The following SLC2A9 variants were observed in gnomAD, a reference collection of about 807,000 sequenced individuals.
SLC2A9 encodes solute carrier family 2 member 9.
A neutral mutation model predicts 50.6 loss-of-function variants in SLC2A9; 39 were observed. The observed-to-expected ratio is 0.77, with a 90% CI of 0.60 to 1.01. The LOEUF (loss-of-function observed/expected upper bound fraction) is 1.01. Ranked by LOEUF, SLC2A9 falls within the 50% of genes least tolerant of loss-of-function variation. SLC2A9 has a pLI of 0.00. For synonymous variants in SLC2A9, 324 were observed against 276.9 expected (o/e 1.17, Z -1.69); for missense variants, 686 against 677.6 (o/e 1.01, Z -0.14).
At chr4:10,024,753 G>A (rs1433938362), upstream of SLC2A9, among the ~76,000 whole-genome samples, 7 of 152,260 alleles carry the variant, frequency 4.6e-5, no homozygotes, top group African/African-American at 1.4e-4. Flanking sequence ...ACTGTCCTCC[G>A]GATGATTTCC....
At chr4:9,772,802 G>T (rs1411662814) in intron 1 of SLC2A9, among the ~76,000 whole-genome samples, 3 of 146,424 alleles carry the variant, frequency 2.0e-5, no homozygotes, top group Admixed American at 1.4e-4. Flanking sequence ...AAGCATTAGG[G>T]ATGCCATTTT....
intron 3 of SLC2A9, among the ~76,000 whole-genome samples, chr4:9,988,278 T>G (rs1757090070): frequency 6.6e-6 from 1 of 152,218 alleles, no homozygotes; most frequent in South Asian, 2.1e-4. Flanking sequence ...TGGAGAGGCA[T>G]AGAGGAGCCA....
At chr4:9,822,729 C>T (rs1724579415), downstream of SLC2A9, among the ~76,000 whole-genome samples, 1 of 152,192 alleles carries the variant, frequency 6.6e-6, no homozygotes, top group South Asian at 2.1e-4. Context: ...TAAAGTCATG[C>T]AAATCATTTT....
chr4:9,905,630 T>C (rs1740525073), intron 8 of SLC2A9, among the ~76,000 whole-genome samples: 1 of 152,260 alleles, frequency 6.6e-6, no homozygotes. Context: ...GAAGATGATC[T>C]GCCTGCCAGA....
intron 5 of SLC2A9, among the ~76,000 whole-genome samples, chr4:9,968,525 T>A (rs1753397353): frequency 6.6e-6 from 1 of 152,196 alleles, no homozygotes; most frequent in Non-Finnish European, 1.5e-5. Context: ...TATAACTTGA[T>A]TCTGTACTTA....
At chr4:9,814,248 C>G (rs1007569766) in intron 3 of SLC2A9, among the ~76,000 whole-genome samples, 6 of 152,234 alleles carry the variant, frequency 3.9e-5, no homozygotes, top group Admixed American at 1.3e-4. Flanking sequence ...TTTGTCTTAC[C>G]TACCATTTTC....
intron 3 of SLC2A9, among the ~76,000 whole-genome samples, chr4:9,810,273 G>T (rs1328682795): frequency 6.6e-6 from 1 of 151,878 alleles, no homozygotes; most frequent in Non-Finnish European, 1.5e-5. Context: ...TGTATTGAAT[G>T]AGTGGTGAAG....
chr4:9,950,433 T>A (rs1213134177), intron 5 of SLC2A9, among the ~76,000 whole-genome samples: 2 of 152,194 alleles, frequency 1.3e-5, no homozygotes, highest in Admixed American at 1.3e-4. Context: ...CCTAAAACAT[T>A]TTCTATTTTT....
intron 3 of SLC2A9, chr4:9,782,957 C>A (rs758139424): frequency 6.2e-7 from 1 of 1,613,916 alleles, no homozygotes; most frequent in South Asian, 1.1e-5. Flanking sequence ...GTGTTGCTGG[C>A]TGCCCTTCTT....
intron 10 of SLC2A9, among the ~76,000 whole-genome samples, chr4:9,864,988 C>G (rs1487888392): frequency 1.3e-5 from 2 of 152,248 alleles, no homozygotes; most frequent in Non-Finnish European, 2.9e-5. Context: ...GAGCTGTGAG[C>G]ATGAACACTT....
intron 6 of SLC2A9, among the ~76,000 whole-genome samples, chr4:9,927,977 A>T (rs972650858): frequency 2.0e-5 from 3 of 152,244 alleles, no homozygotes; most frequent in African/African-American, 7.2e-5. Flanking sequence ...CTTGTAAAGA[A>T]TCCCCAAAAG....
downstream of SLC2A9, among the ~76,000 whole-genome samples, chr4:9,776,789 G>A (rs2108829620): frequency 2.0e-5 from 3 of 152,314 alleles, no homozygotes; most frequent in South Asian, 6.2e-4. Context: ...AAGGCTCGTA[G>A]TTATTGTCCA....
At chr4:9,828,374 T>C (rs1428428435) in intron 11 of SLC2A9, among the ~76,000 whole-genome samples, 1 of 152,230 alleles carries the variant, frequency 6.6e-6, no homozygotes, top group Non-Finnish European at 1.5e-5. Flanking sequence ...CTTAAGATTA[T>C]TCTTAACAGA....
At chr4:9,947,245 G>A (rs113349677) in intron 5 of SLC2A9, among the ~76,000 whole-genome samples, 2 of 152,172 alleles carry the variant, frequency 1.3e-5, no homozygotes, top group East Asian at 1.9e-4. Flanking sequence ...CCACCCACTC[G>A]TCCTTGCAGT....
At chr4:9,926,955 A>G (rs1444098231) in intron 6 of SLC2A9, among the ~76,000 whole-genome samples, 1 of 151,484 alleles carries the variant, frequency 6.6e-6, no homozygotes, top group Non-Finnish European at 1.5e-5. Flanking sequence ...CAGAAGAGGG[A>G]GCATGGCCCT....
intron 3 of SLC2A9, among the ~76,000 whole-genome samples, chr4:9,994,990 T>C (rs928676892): frequency 3.3e-5 from 5 of 152,122 alleles, no homozygotes; most frequent in African/African-American, 1.2e-4. Context: ...CAGCCTGTTG[T>C]CAAACAGTCA....
chr4:9,900,369 T>C (rs1739375400), intron 8 of SLC2A9, among the ~76,000 whole-genome samples: 1 of 151,986 alleles, frequency 6.6e-6, no homozygotes, highest in African/African-American at 2.4e-5. Flanking sequence ...CAGGAGCACA[T>C]CCCAAGAGTC....
intron 6 of SLC2A9, among the ~76,000 whole-genome samples, chr4:9,927,453 G>A (rs1287395903): frequency 6.6e-6 from 1 of 152,208 alleles, no homozygotes; most frequent in Admixed American, 6.5e-5. Flanking sequence ...GTGATCGGGG[G>A]CCTGGGATGA....
intron 11 of SLC2A9, among the ~76,000 whole-genome samples, chr4:9,832,809 C>T (rs1386607352): frequency 2.6e-5 from 4 of 152,140 alleles, no homozygotes; most frequent in East Asian, 1.9e-4. Flanking sequence ...GCACAGGCAG[C>T]GGTGGAGCAC....
Sources: gnomAD v4.1 joint callset for allele counts (sites outside exome capture counted in the v4.1 genomes callset) on GRCh38, gnomAD v4.1.1 for gene constraint, MANE v1.5 for transcripts, NCBI Gene and HGNC (gene_info 2026-07-23, HGNC 2026-07-21) for gene names.